The following THSD7A variants were observed in gnomAD, a reference collection of about 807,000 sequenced individuals.
THSD7A encodes thrombospondin type 1 domain containing 7A.
Under a neutral mutation model 231.3 loss-of-function variants are expected in THSD7A, and 96 were observed. The observed-to-expected ratio is 0.41, with a 90% CI of 0.35 to 0.49. The LOEUF (loss-of-function observed/expected upper bound fraction) is 0.49. Among genes scored for constraint, THSD7A ranks in the 20% least tolerant of loss-of-function variants. The probability of loss-of-function intolerance (pLI) is 0.05; values close to 1 mark genes in which losing one functional copy is unlikely to be tolerated. For synonymous variants in THSD7A, 940 were observed against 743.3 expected (o/e 1.26, Z -4.30); for missense variants, 2,290 against 2,070.2 (o/e 1.11, Z -2.06).
Position 11,438,751 on chromosome 7 carries a change from C to A in THSD7A, c.3064+7310G>T, listed in dbSNP as rs1283171818. The stretch of plus-strand genomic sequence containing the variant: ...CCAGTATGATGTCCACATGGCAGTA[C>A]CAAGGCCTGGTAATTTTAGAGCCAT... On this transcript the variant is annotated intron_variant, in intron 13 of 27. Coordinates refer to ENST00000423059, the MANE Select transcript of THSD7A (RefSeq NM_015204.3). Among the ~76,000 whole-genome samples, 10 of 152,036 alleles carry A rather than the reference C, an allele frequency of 6.6e-5. No individual in the cohort carries two copies. In the East Asian group the frequency reaches 7.8e-4, roughly 12 times the overall value.
intron 1 of THSD7A, among the ~76,000 whole-genome samples, chr7:11,746,528 C>T (rs1337057010): frequency 1.3e-5 from 2 of 151,924 alleles, no homozygotes; most frequent in East Asian, 3.9e-4. Flanking sequence ...TTGAGGAGTA[C>T]TGGTCACATA....
chr7:11,440,943 G>T (rs1289749772), intron 13 of THSD7A, among the ~76,000 whole-genome samples: 1 of 152,002 alleles, frequency 6.6e-6, no homozygotes, highest in Non-Finnish European at 1.5e-5. Flanking sequence ...ATGCAACAGA[G>T]AACTCTTTAG....
At chr7:11,751,199 G>A (rs1387609375) in intron 1 of THSD7A, 3 of 152,072 alleles carry the variant, frequency 2.0e-5, no homozygotes, top group African/African-American at 4.8e-5. Flanking sequence ...GCAGCTGCAG[G>A]GGCTCCCCTG....
intron 1 of THSD7A, among the ~76,000 whole-genome samples, chr7:11,660,360 A>G (rs888091786): frequency 2.0e-5 from 3 of 151,556 alleles, no homozygotes; most frequent in Non-Finnish European, 4.4e-5. Flanking sequence ...ATTCAGGTTG[A>G]TATAAATTAA....
intron 4 of THSD7A, among the ~76,000 whole-genome samples, chr7:11,557,359 T>G (rs1334210337): frequency 6.6e-6 from 1 of 152,152 alleles, no homozygotes; most frequent in Non-Finnish European, 1.5e-5. Flanking sequence ...AAGATTTCTA[T>G]TTGTTTCAAA....
At chr7:11,467,160 G>T (rs1460111511) in intron 9 of THSD7A, among the ~76,000 whole-genome samples, 1 of 152,042 alleles carries the variant, frequency 6.6e-6, no homozygotes, top group Non-Finnish European at 1.5e-5. Flanking sequence ...CTTTCTCACA[G>T]TCATTTAAGG....
chr7:11,558,917 C>G (rs1247865159), intron 4 of THSD7A, among the ~76,000 whole-genome samples: 1 of 152,102 alleles, frequency 6.6e-6, no homozygotes, highest in Non-Finnish European at 1.5e-5. Flanking sequence ...TGGACCCAAT[C>G]TACTTACATT....
Position 11,424,744 on chromosome 7 carries a change from A to T in THSD7A, c.3335T>A (p.Val1112Glu). ...CTCTCCACAGTTCTCCCGCATATTCACAAAGGTCACCTTGCAGATGCTCCA... is the reference window on the plus strand; with the variant it reads ...CTCTCCACAGTTCTCCCGCATATTCTCAAAGGTCACCTTGCAGATGCTCCA... ...EPWSICKVTFVNMRENCGEGV... is the reference protein window; with the variant it reads ...EPWSICKVTFENMRENCGEGV... Residue 1112 changes from valine (V) to glutamate (E), a missense_variant, in exon 16 of 28, where the codon GTG (valine) becomes GAG (glutamate). Transcript: ENST00000423059. 6.2e-7 allele frequency: 1 copy of T among 1,613,950 alleles called. No homozygotes were observed. The highest frequency in any genetic ancestry group is 8.5e-7 in the Non-Finnish European group (1 of 1,179,870).
At chr7:11,471,758 T>G (rs1446493003) in intron 8 of THSD7A, among the ~76,000 whole-genome samples, 2 of 152,136 alleles carry the variant, frequency 1.3e-5, no homozygotes, top group African/African-American at 2.4e-5. Context: ...TGTTAGATTA[T>G]AAATCAGTAG....
At chr7:11,769,153 A>ATTTTTTTTTTTTTTTTTTTTTTTTT (rs1227041855) in intron 1 of THSD7A, among the ~76,000 whole-genome samples, 1 of 27,662 alleles carries the variant, frequency 3.6e-5, no homozygotes, top group African/African-American at 1.2e-4. Context: ...ATATATATAT[A>ATTTTTTTTTTTTTTTTTTTTTTTTT]TTTTTTTTTT....
chr7:11,524,935 CA>C (rs1788411562), intron 6 of THSD7A, among the ~76,000 whole-genome samples: 3 of 152,170 alleles, frequency 2.0e-5, no homozygotes, highest in Non-Finnish European at 4.4e-5. Flanking sequence ...GGATCATTTT[CA>C]AAAGAAACAG....
At chr7:11,583,396 C>T (rs1465430911) in intron 4 of THSD7A, among the ~76,000 whole-genome samples, 1 of 152,108 alleles carries the variant, frequency 6.6e-6, no homozygotes, top group African/African-American at 2.4e-5. Context: ...CTTACCTCAG[C>T]CTCCCATGTA....
chr7:11,815,423 C>A lies in THSD7A; in HGVS notation c.190+16334G>T, dbSNP rs144909052. Among the ~76,000 whole-genome samples, 4 of 152,052 alleles carry A rather than the reference C, an allele frequency of 2.6e-5. No homozygotes were observed. In the South Asian group the frequency reaches 8.3e-4, roughly 32 times the overall value. On this transcript the variant is annotated intron_variant, in intron 1 of 27. Coordinates refer to ENST00000423059, the MANE Select transcript of THSD7A (RefSeq NM_015204.3). The stretch of plus-strand genomic sequence containing the variant: ...CTCCCCTCATTTGTATTCCCTTTCA[C>A]GGAACTCATCAGGGATGAGTTCTAT...
intron 2 of THSD7A, among the ~76,000 whole-genome samples, chr7:11,607,337 T>A (rs540605245): frequency 8.5e-5 from 13 of 152,186 alleles, no homozygotes; most frequent in South Asian, 4.1e-4. Flanking sequence ...TCAAGAGATT[T>A]AAGATATTCC....
At chr7:11,646,676 G>A (rs914875082) in intron 1 of THSD7A, among the ~76,000 whole-genome samples, 1 of 152,002 alleles carries the variant, frequency 6.6e-6, no homozygotes, top group African/African-American at 2.4e-5. Context: ...TTGATGCTAA[G>A]GGAGTCAAAT....
At chr7:11,410,326 A>C (rs1189131304) in intron 19 of THSD7A, 1 of 152,194 alleles carries the variant, frequency 6.6e-6, no homozygotes, top group Non-Finnish European at 1.5e-5. Context: ...GTTTTCCCCT[A>C]GGTATAGGAA....
At chr7:11,797,678 TA>T (rs1784165976) in intron 1 of THSD7A, among the ~76,000 whole-genome samples, 1 of 151,958 alleles carries the variant, frequency 6.6e-6, no homozygotes, top group Admixed American at 6.6e-5. Flanking sequence ...CTCGGCCTCC[TA>T]AAGTATTGGG....
chr7:11,745,244 C>T (rs923906813), intron 1 of THSD7A, among the ~76,000 whole-genome samples: 1 of 151,910 alleles, frequency 6.6e-6, no homozygotes, highest in Non-Finnish European at 1.5e-5. Flanking sequence ...ATGTCTTCTT[C>T]TGAGAAATGT....
At chr7:11,486,610 T>C (rs1391265088) in intron 6 of THSD7A, among the ~76,000 whole-genome samples, 5 of 152,214 alleles carry the variant, frequency 3.3e-5, no homozygotes, top group Non-Finnish European at 2.9e-5. Context: ...TTGTTTTTCT[T>C]CTTTAGTCTC....
Sources: gnomAD v4.1 joint callset for allele counts (sites outside exome capture counted in the v4.1 genomes callset) on GRCh38, gnomAD v4.1.1 for gene constraint, MANE v1.5 for transcripts, NCBI Gene and HGNC (gene_info 2026-07-23, HGNC 2026-07-21) for gene names.